FAAH2: variants seen among roughly 807,000 people sequenced by gnomAD.
FAAH2 encodes fatty-acid amide hydrolase 2.
Under a neutral mutation model 36.9 loss-of-function variants are expected in FAAH2, and 60 were observed. The ratio of observed to expected loss-of-function variants is 1.63; its 90% CI spans 1.32 to 2.02. The LOEUF (loss-of-function observed/expected upper bound fraction) is 2.02. Among genes scored for constraint, FAAH2 ranks in the 30% most tolerant of loss-of-function variants. The pLI is 0.00. For missense variants in FAAH2, 689 were observed against 397.5 expected (o/e 1.73, Z -6.23); for synonymous variants, 214 against 143.8 (o/e 1.49, Z -3.49).
At chrX:57,347,318 G>T (rs1484242584) in intron 5 of FAAH2, among the ~76,000 whole-genome samples, 1 of 111,229 alleles carries the variant, frequency 9.0e-6, no homozygotes, top group Non-Finnish European at 1.9e-5. Flanking sequence ...TAGTCTTTGA[G>T]CTCTACGAAT....
the FAAH2 span, among the ~76,000 whole-genome samples, chrX:57,200,761 T>G: frequency 8.9e-6 from 1 of 112,106 alleles, no homozygotes; most frequent in East Asian, 2.8e-4. Flanking sequence ...TATTTTTGAT[T>G]GGTTCATCAT....
chrX:57,327,892 T>G (rs1188476894), intron 3 of FAAH2, among the ~76,000 whole-genome samples: 1 of 112,021 alleles, frequency 8.9e-6, no homozygotes, highest in Non-Finnish European at 1.9e-5. Context: ...AGTAGCTGCA[T>G]TCCTTTGGAA....
chrX:57,291,277 G>A (rs1391370733), intron 1 of FAAH2, among the ~76,000 whole-genome samples: 2 of 111,773 alleles, frequency 1.8e-5, no homozygotes, highest in East Asian at 5.6e-4. Flanking sequence ...TCATGTATTT[G>A]CCAGCTTTAT....
intron 5 of FAAH2, among the ~76,000 whole-genome samples, chrX:57,363,410 C>T (rs2147147628): frequency 9.0e-6 from 1 of 111,654 alleles, no homozygotes; most frequent in Non-Finnish European, 1.9e-5. Flanking sequence ...GATTTTTGTG[C>T]ATTGATTTTG....
chrX:57,448,020 T>A (rs910008023), intron 9 of FAAH2, among the ~76,000 whole-genome samples: 2 of 112,135 alleles, frequency 1.8e-5, no homozygotes, highest in Non-Finnish European at 3.8e-5. Context: ...CTGAAGGACT[T>A]GCTTTGATGT....
chrX:57,258,729 G>A, the FAAH2 span, among the ~76,000 whole-genome samples: 4 of 89,520 alleles, frequency 4.5e-5, no homozygotes, highest in Non-Finnish European at 6.3e-5. Flanking sequence ...TTTTTTTTGA[G>A]ACAGAGTCTT....
At chrX:57,422,578 C>G (rs919884968) in intron 7 of FAAH2, among the ~76,000 whole-genome samples, 2 of 111,736 alleles carry the variant, frequency 1.8e-5, no homozygotes, top group African/African-American at 6.5e-5. Context: ...TGAATGTCAG[C>G]TAAACCTATG....
At chrX:57,449,264 A>T (rs560456511) in intron 10 of FAAH2, among the ~76,000 whole-genome samples, 2 of 112,060 alleles carry the variant, frequency 1.8e-5, no homozygotes, top group East Asian at 5.7e-4. Flanking sequence ...GTCAGTTTCT[A>T]TGGTTTCTCC....
intron 10 of FAAH2, among the ~76,000 whole-genome samples, chrX:57,471,287 G>A (rs918539917): frequency 6.3e-5 from 7 of 111,654 alleles, no homozygotes; most frequent in Non-Finnish European, 1.3e-4. Context: ...ATTCAATTAG[G>A]AAAAGAGGAA....
At chrX:57,160,639 T>C in the FAAH2 span, among the ~76,000 whole-genome samples, 3 of 112,334 alleles carry the variant, frequency 2.7e-5, no homozygotes, top group Non-Finnish European at 5.6e-5. Flanking sequence ...GAGGTGTTTA[T>C]AGTATTCTCT....
chrX:57,208,506 C>G, the FAAH2 span, among the ~76,000 whole-genome samples: 1 of 111,843 alleles, frequency 8.9e-6, no homozygotes, highest in African/African-American at 3.3e-5. Context: ...TCTGGCAACC[C>G]TTCAACCTGG....
At chrX:57,374,819 C>T (rs896502617) in intron 5 of FAAH2, among the ~76,000 whole-genome samples, 2 of 111,040 alleles carry the variant, frequency 1.8e-5, no homozygotes, top group Non-Finnish European at 3.8e-5. Context: ...TACTTTTCCC[C>T]GTTCAGTATT....
intron 7 of FAAH2, among the ~76,000 whole-genome samples, chrX:57,408,027 A>G (rs2055610255): frequency 9.0e-6 from 1 of 111,553 alleles, no homozygotes; most frequent in African/African-American, 3.2e-5. Context: ...TGATGCCAAT[A>G]CCATACTGTT....
At chrX:57,283,396 G>A (rs1054332195), upstream of FAAH2, among the ~76,000 whole-genome samples, 1 of 111,313 alleles carries the variant, frequency 9.0e-6, no homozygotes, top group Non-Finnish European at 1.9e-5. Flanking sequence ...CGGGGTTCGA[G>A]GGATAACAGG....
the FAAH2 span, among the ~76,000 whole-genome samples, chrX:57,271,511 A>G: frequency 8.9e-6 from 1 of 112,182 alleles, no homozygotes; most frequent in South Asian, 3.8e-4. Flanking sequence ...CTCTTACAGG[A>G]GAGCTCTGGC....
the FAAH2 span, among the ~76,000 whole-genome samples, chrX:57,143,262 T>G: frequency 3.6e-5 from 4 of 110,909 alleles, no homozygotes; most frequent in Non-Finnish European, 7.5e-5. Context: ...TTATATTTTT[T>G]GTATATTTGT....
chrX:57,225,185 G>T, the FAAH2 span, among the ~76,000 whole-genome samples: 41 of 110,471 alleles, frequency 3.7e-4, no homozygotes, highest in African/African-American at 1.3e-3. Flanking sequence ...TGCTGGGTTT[G>T]GGTTTGGTTT....
chrX:57,456,265 C>A (rs1232992984), intron 10 of FAAH2, among the ~76,000 whole-genome samples: 1 of 111,983 alleles, frequency 8.9e-6, no homozygotes, highest in African/African-American at 3.2e-5. Context: ...ATAGGAGACA[C>A]AGCTTACCAA....
At chrX:57,328,294 C>A (rs1397677852) in intron 3 of FAAH2, among the ~76,000 whole-genome samples, 1 of 111,987 alleles carries the variant, frequency 8.9e-6, no homozygotes, top group East Asian at 2.8e-4. Context: ...TCAGGACCCA[C>A]TTGAGGAGGC....
Sources: allele counts gnomAD v4.1 joint callset (sites outside exome capture counted in the v4.1 genomes callset), GRCh38; gene constraint gnomAD v4.1.1; transcripts MANE v1.5; gene names NCBI Gene and HGNC (gene_info 2026-07-23, HGNC 2026-07-21).